PDZD2: variants seen among roughly 807,000 people sequenced by gnomAD.
The protein encoded by PDZD2 is PDZ domain-containing protein 2.
A neutral mutation model predicts 220.7 loss-of-function variants in PDZD2; 90 were observed. The observed-to-expected ratio is 0.41, with a 90% confidence interval of 0.34 to 0.49. PDZD2 has a LOEUF of 0.49. Among genes scored for constraint, PDZD2 ranks in the 20% least tolerant of loss-of-function variants. PDZD2 has a pLI of 0.28. For synonymous variants in PDZD2, 1,375 were observed against 1,450.5 expected (o/e 0.95, Z 1.18); for missense variants, 3,174 against 3,608.5 (o/e 0.88, Z 3.08).
chr5:31,668,988 C>A (rs2150116730), intron 1 of PDZD2, among the ~76,000 whole-genome samples: 2 of 152,302 alleles, frequency 1.3e-5, no homozygotes, highest in South Asian at 4.1e-4. Flanking sequence ...TAAAAGCAAA[C>A]CTCCATTACT....
At chr5:31,881,368 G>GTA (rs1235523162) in intron 2 of PDZD2, among the ~76,000 whole-genome samples, 9 of 83,446 alleles carry the variant, frequency 1.1e-4, no homozygotes, top group East Asian at 3.1e-4. Flanking sequence ...GTGTGTGTGT[G>GTA]TATATATTTT....
intron 2 of PDZD2, chr5:31,847,582 C>G: frequency 1.5e-6 from 1 of 681,170 alleles, no homozygotes; most frequent in Non-Finnish European, 2.7e-6. Flanking sequence ...GCTGCTGGCT[C>G]GGAGGCTTTT....
At chr5:32,020,418 A>T (rs1234958268) in intron 6 of PDZD2, among the ~76,000 whole-genome samples, 6 of 152,202 alleles carry the variant, frequency 3.9e-5, no homozygotes, top group African/African-American at 1.4e-4. Context: ...AAGTGGGAAC[A>T]GGGTAACGTG....
At chr5:31,869,696 T>C (rs1738597555) in intron 2 of PDZD2, among the ~76,000 whole-genome samples, 1 of 152,222 alleles carries the variant, frequency 6.6e-6, no homozygotes, top group African/African-American at 2.4e-5. Flanking sequence ...CCCTTGAAGA[T>C]CCCAAGGTAT....
intron 14 of PDZD2, among the ~76,000 whole-genome samples, chr5:32,067,756 A>T (rs1258838240): frequency 2.0e-5 from 3 of 152,280 alleles, no homozygotes; most frequent in East Asian, 3.9e-4. Context: ...CAGGCTTTTT[A>T]AAAAAATCTT....
intron 2 of PDZD2, among the ~76,000 whole-genome samples, chr5:31,890,167 C>A (rs1740892945): frequency 1.7e-5 from 2 of 116,152 alleles, no homozygotes; most frequent in South Asian, 5.8e-4. Context: ...GGAGAGAAAT[C>A]CAAGAGAAGC....
chr5:32,029,330 A>T (rs796599826), intron 6 of PDZD2, among the ~76,000 whole-genome samples: 14 of 19,710 alleles, frequency 7.1e-4, no homozygotes, highest in African/African-American at 1.6e-3. Flanking sequence ...CAAGAACTGT[A>T]AAAAAAAAAA....
At chr5:32,072,831 C>CAA (rs1007342587) in intron 17 of PDZD2, among the ~76,000 whole-genome samples, 3 of 152,148 alleles carry the variant, frequency 2.0e-5, no homozygotes, top group Non-Finnish European at 4.4e-5. Flanking sequence ...GACCTCCTTT[C>CAA]AATGCCCTTT....
intron 1 of PDZD2, among the ~76,000 whole-genome samples, chr5:31,730,554 T>TTGTGTG (rs35119904): frequency 2.5e-4 from 35 of 140,510 alleles, no homozygotes; most frequent in South Asian, 1.2e-3. Flanking sequence ...CACCAGGAGT[T>TTGTGTG]TGTGTGTGTG....
intron 1 of PDZD2, among the ~76,000 whole-genome samples, chr5:31,704,340 T>C (rs1747727353): frequency 6.6e-6 from 1 of 152,146 alleles, no homozygotes; most frequent in African/African-American, 2.4e-5. Context: ...AGACATTTCT[T>C]CTAAATCTTT....
intron 1 of PDZD2, among the ~76,000 whole-genome samples, chr5:31,650,308 T>C (rs1378858305): frequency 2.0e-5 from 3 of 152,190 alleles, no homozygotes; most frequent in African/African-American, 7.2e-5. Flanking sequence ...CTAAGTGACT[T>C]GACTGAGGTT....
At chr5:31,879,231 GA>G in intron 2 of PDZD2, among the ~76,000 whole-genome samples, 1 of 151,740 alleles carries the variant, frequency 6.6e-6, no homozygotes, top group South Asian at 2.1e-4. Context: ...ACTAAAAATA[GA>G]AAAAATTAGC....
chr5:31,822,568 G>A, intron 2 of PDZD2: 2 of 932,804 alleles, frequency 2.1e-6, no homozygotes, highest in Non-Finnish European at 3.3e-6. Context: ...TTATTAATCA[G>A]CCTCCTGAAT....
At position 32,108,054 on chromosome 5, in the gene PDZD2, C is replaced by G; in HGVS notation, c.8439C>G (p.His2813Gln). The change falls in exon 25 of 25, where the codon CAC (histidine) becomes CAG (glutamine). Residue 2813 changes from histidine to glutamine, a missense_variant. Physicochemically the swap from His to Gln is conservative, Grantham distance 24 (BLOSUM62 0). Transcript: ENST00000438447. ...GGAAACCTCTGGTTGGGCTCATGCA[C>G]TTTGATGCCTGGAATATTATGAAGT... ...INGKPLVGLM[H>Q]FDAWNIMKSV... The G allele has an allele frequency of 1.9e-6, 3 of 1,610,544 alleles. No individual in the cohort carries two copies. Among genetic ancestry groups the G allele is most frequent in the Non-Finnish European group, 2.5e-6 (3 of 1,176,774 alleles).
At chr5:31,680,115 CCTCA>C (rs1343735907) in intron 1 of PDZD2, among the ~76,000 whole-genome samples, 1 of 152,144 alleles carries the variant, frequency 6.6e-6, no homozygotes, top group Non-Finnish European at 1.5e-5. Flanking sequence ...CTTGTCAAGT[CCTCA>C]CTCATTCATT....
chr5:31,789,575 T>C (rs1753579654), intron 1 of PDZD2, among the ~76,000 whole-genome samples: 1 of 152,178 alleles, frequency 6.6e-6, no homozygotes, highest in Admixed American at 6.5e-5. Context: ...TAGGGCTCCT[T>C]GTGAGCAATC....
At chr5:31,691,181 G>T (rs1016850631) in intron 1 of PDZD2, among the ~76,000 whole-genome samples, 2 of 152,058 alleles carry the variant, frequency 1.3e-5, no homozygotes, top group African/African-American at 4.8e-5. Flanking sequence ...TCGTGGTGTC[G>T]CTGGCTCAGG....
At chr5:32,070,655 C>A (rs947513128) in intron 15 of PDZD2, among the ~76,000 whole-genome samples, 1 of 152,218 alleles carries the variant, frequency 6.6e-6, no homozygotes, top group African/African-American at 2.4e-5. Flanking sequence ...TAATTCAATC[C>A]ATTCAGCAAT....
chr5:31,757,944 T>A (rs529738), intron 1 of PDZD2, among the ~76,000 whole-genome samples: 1 of 152,176 alleles, frequency 6.6e-6, no homozygotes, highest in African/African-American at 2.4e-5. Flanking sequence ...CTTCTGAGGG[T>A]GAATTAACTC....
Sources: allele counts gnomAD v4.1 joint callset (sites outside exome capture counted in the v4.1 genomes callset), GRCh38; gene constraint gnomAD v4.1.1; transcripts MANE v1.5; gene names NCBI Gene and HGNC (gene_info 2026-07-23, HGNC 2026-07-21).